SLC2A13: variants seen among roughly 807,000 people sequenced by gnomAD.
The protein encoded by SLC2A13 is solute carrier family 2 member 13.
SLC2A13 carries 32 observed loss-of-function variants against 64.4 expected under a neutral mutation model. The observed-to-expected ratio is 0.50, with a 90% confidence interval of 0.37 to 0.67. The LOEUF is 0.67. Ranked by LOEUF, SLC2A13 falls within the 30% of genes least tolerant of loss-of-function variation. The pLI, the probability that SLC2A13 is intolerant of heterozygous loss-of-function variation, is 0.00. For synonymous variants in SLC2A13, 338 were observed against 327.1 expected (o/e 1.03, Z -0.36); for missense variants, 743 against 829.2 (o/e 0.90, Z 1.28).
intron 1 of SLC2A13, among the ~76,000 whole-genome samples, chr12:40,081,309 GCTCT>G (rs144251162): frequency 0.03 from 4,571 of 152,258 alleles, 98 homozygotes; most frequent in Non-Finnish European, 0.042. Context: ...CAAGTTGCTT[GCTCT>G]CTCTGTCTTT....
At chr12:40,049,214 T>TAA (rs199668365) in intron 1 of SLC2A13, among the ~76,000 whole-genome samples, 47 of 144,420 alleles carry the variant, frequency 3.3e-4, no homozygotes, top group Admixed American at 1.6e-3. Flanking sequence ...AAAGCCTCCA[T>TAA]AAAAAAAAAA....
rs112730813 is a variant in SLC2A13, at chr12:39,799,096, T to C, written c.1445+31007A>G. 5.7e-3 allele frequency among the ~76,000 whole-genome samples: 836 copies of C among 147,794 alleles called. 7 individuals are homozygous for C. The highest frequency in any genetic ancestry group is 0.02 in the African/African-American group (810 of 39,592). ...TTTTTTTTTCCTTTTTTTTTTTTTT[T>C]AGACTCAGAGTCTCACTCTGTCTCC... On this transcript the variant is annotated intron_variant, in intron 7 of 9. Transcript: ENST00000280871.
chr12:39,770,196 G>A (rs796573257), intron 7 of SLC2A13, among the ~76,000 whole-genome samples: 6 of 151,992 alleles, frequency 3.9e-5, no homozygotes, highest in African/African-American at 1.4e-4. Flanking sequence ...CTAATTTTAG[G>A]ACTTTATAAT....
At chr12:39,895,909 T>C (rs1592254478) in intron 4 of SLC2A13, among the ~76,000 whole-genome samples, 1 of 150,158 alleles carries the variant, frequency 6.7e-6, no homozygotes, top group South Asian at 2.1e-4. Flanking sequence ...CACATATGTA[T>C]ATGTATGCAT....
At chr12:39,798,303 G>A (rs1222866565) in intron 7 of SLC2A13, among the ~76,000 whole-genome samples, 1 of 152,162 alleles carries the variant, frequency 6.6e-6, no homozygotes, top group East Asian at 1.9e-4. Context: ...GCTTCTCCTG[G>A]ATTTGTGACC....
intron 3 of SLC2A13, among the ~76,000 whole-genome samples, chr12:40,010,763 C>T (rs1331838810): frequency 6.6e-6 from 1 of 152,044 alleles, no homozygotes; most frequent in Non-Finnish European, 1.5e-5. Context: ...GTTGATTCTA[C>T]TGCCTAATTA....
At chr12:40,061,606 G>C (rs536645907) in intron 1 of SLC2A13, among the ~76,000 whole-genome samples, 3 of 152,224 alleles carry the variant, frequency 2.0e-5, no homozygotes, top group African/African-American at 7.2e-5. Flanking sequence ...TGAAGCATAG[G>C]TGTTGGACAT....
chr12:39,777,521 T>A (rs1169156674), intron 7 of SLC2A13, among the ~76,000 whole-genome samples: 1 of 152,110 alleles, frequency 6.6e-6, no homozygotes, highest in African/African-American at 2.4e-5. Flanking sequence ...CCCGGGCCCA[T>A]GGACATAGGT....
chr12:39,785,424 C>T (rs1341612456), intron 7 of SLC2A13, among the ~76,000 whole-genome samples: 5 of 152,186 alleles, frequency 3.3e-5, no homozygotes, highest in Non-Finnish European at 5.9e-5. Flanking sequence ...GGAACTTCCA[C>T]CTAGATTTCA....
At chr12:39,858,116 T>A (rs766133528) in intron 6 of SLC2A13, among the ~76,000 whole-genome samples, 5 of 152,220 alleles carry the variant, frequency 3.3e-5, no homozygotes, top group Non-Finnish European at 5.9e-5. Flanking sequence ...CAAGAAGCTC[T>A]TGTATCCTTC....
chr12:39,914,250 A>G (rs1281741229), intron 4 of SLC2A13, among the ~76,000 whole-genome samples: 1 of 152,100 alleles, frequency 6.6e-6, no homozygotes, highest in South Asian at 2.1e-4. Context: ...TAATGAAAGA[A>G]TGAAAATAAG....
chr12:39,809,508 T>A (rs116114981), intron 7 of SLC2A13, among the ~76,000 whole-genome samples: 2,694 of 152,212 alleles, frequency 0.018, 79 homozygotes, highest in African/African-American at 0.059. Context: ...ACATCTTTTT[T>A]AAAAATTATT....
At chr12:40,001,393 C>T (rs573107235) in intron 3 of SLC2A13, among the ~76,000 whole-genome samples, 35 of 152,362 alleles carry the variant, frequency 2.3e-4, no homozygotes, top group African/African-American at 8.4e-4. Context: ...GATGTATTTT[C>T]ACTGTCTTAG....
At position 39,879,011 on chromosome 12, in the gene SLC2A13, G is replaced by A. The variant is rs538756267; in HGVS notation, c.1035-7050C>T. On this transcript the variant is annotated intron_variant, in intron 4 of 9. Coordinates refer to ENST00000280871, the MANE Select transcript of SLC2A13 (RefSeq NM_052885.4). Reference sequence around the variant, plus strand: ...CATACTGGCCTCTCCAGCTCCAGCTGTGACTCAAAGGGGCCTGCCTAGGTA... The same window carrying A: ...CATACTGGCCTCTCCAGCTCCAGCTATGACTCAAAGGGGCCTGCCTAGGTA... Among the ~76,000 whole-genome samples, 83 of 152,382 alleles carry A rather than the reference G, an allele frequency of 5.4e-4. 1 individual carries two copies. The highest frequency in any genetic ancestry group is 1.6e-3 in the Admixed American group (24 of 15,312).
At chr12:39,974,338 T>A (rs1373956733) in intron 3 of SLC2A13, among the ~76,000 whole-genome samples, 1 of 152,174 alleles carries the variant, frequency 6.6e-6, no homozygotes, top group East Asian at 1.9e-4. Context: ...CACTTACATA[T>A]GAACAGCACA....
At chr12:39,967,784 G>A (rs1378959860) in intron 3 of SLC2A13, among the ~76,000 whole-genome samples, 1 of 152,134 alleles carries the variant, frequency 6.6e-6, no homozygotes, top group African/African-American at 2.4e-5. Flanking sequence ...AAGGAGAAGA[G>A]AAAGAAATAC....
chr12:40,049,561 T>G (rs1011443236), intron 1 of SLC2A13, among the ~76,000 whole-genome samples: 2 of 152,092 alleles, frequency 1.3e-5, no homozygotes, highest in African/African-American at 4.8e-5. Context: ...AATTGCAGCT[T>G]TTTTTCATTT....
At chr12:39,882,885 A>T (rs1015877936) in intron 4 of SLC2A13, among the ~76,000 whole-genome samples, 7 of 152,212 alleles carry the variant, frequency 4.6e-5, no homozygotes, top group African/African-American at 1.4e-4. Flanking sequence ...ACTTAGATAT[A>T]CATCATATTT....
At chr12:39,808,641 A>G (rs991022319) in intron 7 of SLC2A13, among the ~76,000 whole-genome samples, 8 of 152,162 alleles carry the variant, frequency 5.3e-5, no homozygotes, top group Non-Finnish European at 1.2e-4. Context: ...GTGCTGTAGC[A>G]TGTCACTATA....
Sources: gnomAD v4.1 joint callset for allele counts (sites outside exome capture counted in the v4.1 genomes callset) on GRCh38, gnomAD v4.1.1 for gene constraint, MANE v1.5 for transcripts, NCBI Gene and HGNC (gene_info 2026-07-23, HGNC 2026-07-21) for gene names.